IL23R: variants seen among roughly 807,000 people sequenced by gnomAD.
IL23R encodes interleukin-23 receptor.
In IL23R, 34 loss-of-function variants were observed where a neutral mutation model predicts 56.9. The ratio of observed to expected loss-of-function variants is 0.60; its 90% CI spans 0.45 to 0.80. The LOEUF (loss-of-function observed/expected upper bound fraction) is 0.80. Ranked by LOEUF, IL23R falls within the 30% of genes least tolerant of loss-of-function variation. IL23R has a pLI of 0.00. For missense variants in IL23R, 635 were observed against 730.0 expected, an observed-to-expected ratio of 0.87 and a Z score of 1.50; for synonymous variants, 230 against 249.2, an observed-to-expected ratio of 0.92 and a Z score of 0.73.
chr1:67,248,325 T>C (rs1181645475), intron 9 of IL23R, among the ~76,000 whole-genome samples: 2 of 152,336 alleles, frequency 1.3e-5, no homozygotes, highest in African/African-American at 2.4e-5. Context: ...TTCATTCTTT[T>C]TTCTCTGATC....
chr1:67,219,526 T>A, intron 6 of IL23R, 48 bp from the exon 7 acceptor site: 1 of 1,567,542 alleles, frequency 6.4e-7, no homozygotes, highest in Non-Finnish European at 8.8e-7. Context: ...ATAAAATAGT[T>A]GTTTTAAAAG....
intron 1 of IL23R, among the ~76,000 whole-genome samples, chr1:67,146,151 T>G (rs1278141706): frequency 3.9e-5 from 6 of 152,150 alleles, no homozygotes; most frequent in Admixed American, 3.9e-4. Context: ...GCAGCCTCAG[T>G]CAACATCATG....
intron 8 of IL23R, 84 bp downstream of exon 8, chr1:67,236,886 G>C (rs1651510271): frequency 6.8e-6 from 6 of 881,914 alleles, no homozygotes; most frequent in Non-Finnish European, 1.9e-6. Flanking sequence ...ATCACATCAG[G>C]TGTTAAGTTT....
chr1:67,255,110 A>G (rs909019329), intron 9 of IL23R, among the ~76,000 whole-genome samples: 1 of 152,224 alleles, frequency 6.6e-6, no homozygotes, highest in African/African-American at 2.4e-5. Flanking sequence ...GCTTTATTAT[A>G]TAACATTCTC....
chr1:67,222,110 T>C (rs1341645891), intron 7 of IL23R, among the ~76,000 whole-genome samples: 3 of 115,344 alleles, frequency 2.6e-5, no homozygotes, highest in Admixed American at 8.5e-5. Flanking sequence ...TTCTTTTTTT[T>C]TTTTTTTTTT....
At chr1:67,239,896 T>G (rs934189228) in intron 8 of IL23R, among the ~76,000 whole-genome samples, 2 of 152,174 alleles carry the variant, frequency 1.3e-5, no homozygotes, top group African/African-American at 4.8e-5. Context: ...TTATACGAAA[T>G]TTGCATGCAC....
At chr1:67,205,185 A>G (rs1324112841) in intron 5 of IL23R, among the ~76,000 whole-genome samples, 1 of 152,240 alleles carries the variant, frequency 6.6e-6, no homozygotes, top group Non-Finnish European at 1.5e-5. Flanking sequence ...ACTAAATTAA[A>G]GCTACTGCTA....
chr1:67,228,056 T>C (rs1463218545), intron 7 of IL23R, among the ~76,000 whole-genome samples: 1 of 107,972 alleles, frequency 9.3e-6, no homozygotes, highest in Non-Finnish European at 1.8e-5. Context: ...TTTCTTTCTT[T>C]CTTTCTCTGT....
intron 7 of IL23R, among the ~76,000 whole-genome samples, chr1:67,224,650 A>G (rs1244383718): frequency 1.3e-5 from 2 of 152,302 alleles, no homozygotes; most frequent in African/African-American, 4.8e-5. Flanking sequence ...CTCACTTATA[A>G]TCAACTTTAA....
At chr1:67,222,102 C>CTTTCTTTTTTTTTTTTTTTTTTTTTTT (rs1440089182) in intron 7 of IL23R, among the ~76,000 whole-genome samples, 7 of 58,900 alleles carry the variant, frequency 1.2e-4, no homozygotes, top group African/African-American at 4.4e-4. Context: ...TTCTTTCTTT[C>CTTTCTTTTTTTTTTTTTTTTTTTTTTT]TTTTTTTTTT....
rs1159650964 is a variant in IL23R, at chr1:67,218,348, G to A, written c.799-1226G>A. ...CATATGTGTGTGTGTGTGTGTGTGT[G>A]TGTGTGTGTGTATATATATATATAT... On this transcript the variant is annotated intron_variant, in intron 6 of 10. Transcript: ENST00000347310. 8.1e-3 allele frequency among the ~76,000 whole-genome samples: 1,149 copies of A among 142,298 alleles called. 20 individuals are homozygous for A. The highest frequency in any genetic ancestry group is 0.028 in the African/African-American group (1,063 of 37,360). The allele number at this position is 142,298 out of a possible 152,430, so 93.4% of individuals were successfully genotyped here.
At chr1:67,165,617 G>T (rs1413024953), upstream of IL23R, among the ~76,000 whole-genome samples, 1 of 152,182 alleles carries the variant, frequency 6.6e-6, no homozygotes, top group Non-Finnish European at 1.5e-5. Flanking sequence ...GGCTATACAG[G>T]AATATTATGC....
upstream of IL23R, among the ~76,000 whole-genome samples, chr1:67,162,642 A>G (rs148307672): frequency 2.4e-3 from 360 of 152,352 alleles, 7 homozygotes; most frequent in East Asian, 0.058. Flanking sequence ...AGCTTCACAT[A>G]TATCTATATG....
chr1:67,216,440 C>CT (rs989652669), intron 6 of IL23R, among the ~76,000 whole-genome samples: 4 of 152,154 alleles, frequency 2.6e-5, no homozygotes, highest in Non-Finnish European at 4.4e-5. Context: ...ACTCATTTCT[C>CT]TAATTAAGCT....
At chr1:67,263,095 T>G (rs2100405696), downstream of IL23R, among the ~76,000 whole-genome samples, 1 of 146,850 alleles carries the variant, frequency 6.8e-6, no homozygotes, top group Non-Finnish European at 1.5e-5. Flanking sequence ...TGTGTGTGTT[T>G]AATTGGAATT....
rs1653072093 is a variant in IL23R at position 67,258,476 on chromosome 1, A to G, written c.1240-2A>G. ...AAATAAAATGATGTCTTTTTTTCCT[A>G]GGAAAATAGTGAACTTATGAATAAT... On this transcript the variant is annotated splice_acceptor_variant, in intron 10 of 10. Transcript: ENST00000347310. LOFTEE classifies it high-confidence loss of function. The G allele has an allele frequency of 6.3e-7, 1 of 1,591,580 alleles. No individual in the cohort carries two copies. The highest frequency in any genetic ancestry group is 1.8e-5 in the Admixed American group (1 of 56,328).
intron 1 of IL23R, among the ~76,000 whole-genome samples, chr1:67,148,078 T>A (rs1226463244): frequency 6.6e-6 from 1 of 152,222 alleles, no homozygotes; most frequent in Non-Finnish European, 1.5e-5. Flanking sequence ...TTCAGCTCGA[T>A]TGGGATGAAC....
chr1:67,230,691 C>T (rs985082853), intron 7 of IL23R, among the ~76,000 whole-genome samples: 2 of 152,172 alleles, frequency 1.3e-5, no homozygotes, highest in African/African-American at 2.4e-5. Flanking sequence ...TTATATACAC[C>T]GCTGATACTA....
At chr1:67,211,111 A>C (rs1195577113) in intron 6 of IL23R, among the ~76,000 whole-genome samples, 1 of 152,310 alleles carries the variant, frequency 6.6e-6, no homozygotes, top group East Asian at 1.9e-4. Flanking sequence ...GGTTGTTTGC[A>C]TACACTTAAA....
Sources: gnomAD v4.1 joint callset for allele counts (sites outside exome capture counted in the v4.1 genomes callset) on GRCh38, gnomAD v4.1.1 for gene constraint, MANE v1.5 for transcripts, NCBI Gene and HGNC (gene_info 2026-07-23, HGNC 2026-07-21) for gene names.